C19orf81: variants seen among roughly 807,000 people sequenced by gnomAD.
C19orf81 encodes chromosome 19 open reading frame 81.
In C19orf81, 19 loss-of-function variants were observed where a neutral mutation model predicts 22.1. The observed-to-expected ratio is 0.86, with a 90% CI of 0.60 to 1.26. C19orf81 has a LOEUF of 1.26. C19orf81 is among the 50% of genes most tolerant of loss of function. The pLI is 0.00. For missense variants in C19orf81, 287 were observed against 280.7 expected (o/e 1.02, Z -0.16); for synonymous variants, 108 against 113.1 (o/e 0.95, Z 0.29).
intron 4 of C19orf81, chr19:50,658,346 G>A (rs1985048340): frequency 2.0e-6 from 1 of 500,546 alleles, no homozygotes; most frequent in Non-Finnish European, 3.5e-6. Flanking sequence ...GTTGGTGTAA[G>A]GGTGTTGTGA....
At chr19:50,650,221 G>T (rs1176238214) in intron 1 of C19orf81, among the ~76,000 whole-genome samples, 2 of 152,188 alleles carry the variant, frequency 1.3e-5, no homozygotes, top group Non-Finnish European at 2.9e-5. Context: ...GGCTTTTGAG[G>T]CCCTGTGTGG....
chr19:50,655,253 G>C (rs1210650908), intron 1 of C19orf81, among the ~76,000 whole-genome samples: 1 of 152,160 alleles, frequency 6.6e-6, no homozygotes, highest in Admixed American at 6.5e-5. Context: ...GGCCATAAGA[G>C]AGAGACCAGT....
intron 3 of C19orf81, 56 bp downstream of exon 3, chr19:50,656,402 G>A: frequency 2.7e-6 from 4 of 1,493,158 alleles, no homozygotes; most frequent in South Asian, 2.6e-5. Context: ...GATGGGAAGG[G>A]CACAGGCTGA....
intron 1 of C19orf81, among the ~76,000 whole-genome samples, chr19:50,653,725 CA>C (rs1377544126): frequency 2.7e-5 from 4 of 148,338 alleles, no homozygotes; most frequent in Non-Finnish European, 5.9e-5. Flanking sequence ...CACACACACA[CA>C]CACACACACA....
intron 3 of C19orf81, 148 bp from the exon 4 acceptor site, chr19:50,657,841 G>T: frequency 9.7e-7 from 1 of 1,026,492 alleles, no homozygotes; most frequent in Non-Finnish European, 1.3e-6. Context: ...CATAGCGACA[G>T]TACCCTGGGA....
At chr19:50,654,027 A>G (rs535302513) in intron 1 of C19orf81, among the ~76,000 whole-genome samples, 4 of 152,184 alleles carry the variant, frequency 2.6e-5, no homozygotes, top group South Asian at 2.1e-4. Flanking sequence ...GTGTTGAGAC[A>G]TGATTCAGGG....
Position 50,653,682 on chromosome 19 carries a change from G to GCACACACA in C19orf81, c.68-2316_68-2309dup, listed in dbSNP as rs57915687. Among the ~76,000 whole-genome samples the GCACACACA allele has an allele frequency of 9.4e-4, 115 of 121,920 alleles. 1 individual carries two copies. The highest frequency in any genetic ancestry group is 2.1e-3 in the East Asian group (8 of 3,760). 80.0% of individuals were successfully genotyped at this position (121,920 alleles called of 152,430 possible). ...TGTTGACTTATTGTAATGAGAGACA[G>GCACACACA]CACACACACACACACACACACACAC... On this transcript the variant is annotated intron_variant, in intron 1 of 4. Transcript: ENST00000425202.
intron 1 of C19orf81, among the ~76,000 whole-genome samples, chr19:50,654,411 T>C (rs953703959): frequency 6.6e-6 from 1 of 152,112 alleles, no homozygotes; most frequent in Non-Finnish European, 1.5e-5. Flanking sequence ...CAAGTGATTC[T>C]TCTGCCTCAG....
At position 50,658,920 on chromosome 19, in the gene C19orf81, C is replaced by T. The variant is rs1032292703; in HGVS notation, c.402-27C>T. On this transcript the variant is annotated intron_variant, in intron 4 of 4. Coordinates refer to ENST00000425202, the MANE Select transcript of C19orf81 (RefSeq NM_001195076.2). The stretch of plus-strand genomic sequence containing the variant: ...CCAGGGCTGAAACGACCTGCGAGTT[C>T]CTTTTCCGTCCCCACCCCCCTTACA... 2.3e-5 allele frequency: 33 copies of T among 1,416,162 alleles called. No individual in the cohort carries two copies. The Middle Eastern group carries it at 5.5e-4, about 23-fold the overall frequency. The allele number at this position is 1,416,162 out of a possible 1,614,324, so 87.7% of individuals were successfully genotyped here.
intron 1 of C19orf81, among the ~76,000 whole-genome samples, chr19:50,652,360 G>A (rs182616901): frequency 1.1e-4 from 17 of 152,232 alleles, no homozygotes; most frequent in Non-Finnish European, 1.6e-4. Context: ...CTGCCCTTAC[G>A]TTGCTCAGAA....
At position 50,657,978 on chromosome 19, in the gene C19orf81, G is replaced by A. The variant is rs1293628744; in HGVS notation, c.262-11G>A. 2 of 1,519,616 alleles carry A rather than the reference G, an allele frequency of 1.3e-6. No individual in the cohort carries two copies. Among genetic ancestry groups the A allele is most frequent in the Non-Finnish European group, 1.8e-6 (2 of 1,138,696 alleles). 94.1% of individuals were successfully genotyped at this position (1,519,616 alleles called of 1,614,324 possible). On this transcript the variant is annotated splice_polypyrimidine_tract_variant and intron_variant, in intron 3 of 4. Coordinates refer to ENST00000425202, the MANE Select transcript of C19orf81 (RefSeq NM_001195076.2). The stretch of plus-strand genomic sequence containing the variant: ...GGCCACGGGCTGAGGTTCTCTCTCC[G>A]ACACCCGCAGCCCGAGGAGGATTTT...
chr19:50,659,091 C>G lies in C19orf81; in HGVS notation c.546C>G (p.Val182=), dbSNP rs1286607713. Residue 182 remains valine, a synonymous_variant, in exon 5 of 5, where the codon GTC becomes GTG. Coordinates refer to ENST00000425202, the MANE Select transcript of C19orf81 (RefSeq NM_001195076.2). The part of the protein sequence containing the change: ...DYRLHLRRSL[V]RRRMLEALGA... ...GCCTGCACCTGCGCCGCTCCCTGGTCCGGCGGCGCATGCTCGAGGCCCTGG... is the reference window on the plus strand; with the variant it reads ...GCCTGCACCTGCGCCGCTCCCTGGTGCGGCGGCGCATGCTCGAGGCCCTGG... The G allele has an allele frequency of 6.7e-7, 1 of 1,502,760 alleles. No individual in the cohort carries two copies. Among genetic ancestry groups the G allele is most frequent in the East Asian group, 2.7e-5 (1 of 37,634 alleles). 93.1% of individuals were successfully genotyped at this position (1,502,760 alleles called of 1,614,324 possible). A position where few individuals can be genotyped will look rare whatever the true frequency, so the allele number is the denominator to read the frequency against.
At chr19:50,650,176 G>A (rs1345998104) in intron 1 of C19orf81, among the ~76,000 whole-genome samples, 1 of 152,100 alleles carries the variant, frequency 6.6e-6, no homozygotes, top group African/African-American at 2.4e-5. Context: ...CTAGCTTCCT[G>A]TCACCTCTAG....
intron 1 of C19orf81, among the ~76,000 whole-genome samples, chr19:50,653,675 A>G (rs1009891470): frequency 1.5e-5 from 2 of 136,310 alleles, no homozygotes; most frequent in African/African-American, 5.5e-5. Flanking sequence ...TATTGTAATG[A>G]GAGACAGCAC....
chr19:50,655,109 G>A (rs547196156), intron 1 of C19orf81, among the ~76,000 whole-genome samples: 1 of 152,330 alleles, frequency 6.6e-6, no homozygotes, highest in African/African-American at 2.4e-5. Flanking sequence ...ATTGGTGAGA[G>A]CATGGTCACA....
At chr19:50,655,223 G>A (rs889133) in intron 1 of C19orf81, among the ~76,000 whole-genome samples, 92,788 of 151,984 alleles carry the variant, frequency 0.61, 29,680 homozygotes, top group Middle Eastern at 0.7. Flanking sequence ...AAAATGGAGT[G>A]CATGGAACAA....
At position 50,649,501 on chromosome 19, in the gene C19orf81, C is replaced by A. The variant is rs1421988997; in HGVS notation, c.57C>A (p.His19Gln). ...CTGCCATGGGCAGCCCCACCATGCA[C>A]AGGAAGGCAGGTACTGAGCTGTGTC... ...CFPAMGSPTM[H>Q]RKAGALLMDL... Residue 19 changes from histidine to glutamine, a missense_variant, in exon 1 of 5, where the codon CAC becomes CAA. His to Gln is a conservative substitution (Grantham distance 24). Transcript: ENST00000425202. 6.5e-7 allele frequency: 1 copy of A among 1,536,210 alleles called. No homozygotes were observed. The highest frequency in any genetic ancestry group is 8.7e-7 in the Non-Finnish European group (1 of 1,146,870).
Position 50,658,132 on chromosome 19 carries a change from A to C in C19orf81, c.401+4A>C, listed in dbSNP as rs1165384716. On this transcript the variant is annotated splice_donor_region_variant and intron_variant, in intron 4 of 4. Transcript: ENST00000425202. ...GGACTGCTGGGCGCCGGAACCGGTG[A>C]GTAAGCGGCGGGGGCGGGGCCTGGA... 3 of 1,527,280 alleles carry C rather than the reference A, an allele frequency of 2.0e-6. No individual in the cohort carries two copies. The highest frequency in any genetic ancestry group is 2.8e-5 in the African/African-American group (2 of 72,726). 94.6% of individuals were successfully genotyped at this position (1,527,280 alleles called of 1,614,324 possible). A position where few individuals can be genotyped will look rare whatever the true frequency, so the allele number is the denominator to read the frequency against.
In C19orf81 at chr19:50,656,241, G is replaced by T. The variant is rs1984991255; in HGVS notation, c.156G>T (p.Arg52=). 2 of 1,535,998 alleles carry T rather than the reference G, an allele frequency of 1.3e-6. No individual in the cohort carries two copies. The highest frequency in any genetic ancestry group is 1.7e-6 in the Non-Finnish European group (2 of 1,146,878). ...CTCTCCCTAGAAAGCAGTACCTGCG[G>T]CAGGTCATTGCAGAGTACGAGGCAC... ...RPIKSSKQYL[R]QVIAEYEALD... The change falls in exon 3 of 5, where the codon CGG becomes CGT. Residue 52 remains arginine, a synonymous_variant. Coordinates refer to ENST00000425202, the MANE Select transcript of C19orf81 (RefSeq NM_001195076.2).
Sources: allele counts gnomAD v4.1 joint callset (sites outside exome capture counted in the v4.1 genomes callset), GRCh38; gene constraint gnomAD v4.1.1; transcripts MANE v1.5; gene names NCBI Gene and HGNC (gene_info 2026-07-23, HGNC 2026-07-21).